The following GPR161 variants were observed in gnomAD, a reference collection of about 807,000 sequenced individuals.
GPR161 encodes G-protein coupled receptor RE2.
A neutral mutation model predicts 39.2 loss-of-function variants in GPR161; 25 were observed. The observed-to-expected ratio is 0.64, with a 90% CI of 0.47 to 0.89. The LOEUF (loss-of-function observed/expected upper bound fraction) is 0.89, where lower values mean the gene tolerates loss of function less well. Among genes scored for constraint, GPR161 ranks in the 40% least tolerant of loss-of-function variants. The pLI is 0.00. For missense variants in GPR161, 547 were observed against 677.8 expected (o/e 0.81, Z 2.14); for synonymous variants, 286 against 276.6 (o/e 1.03, Z -0.34).
intron 1 of GPR161, among the ~76,000 whole-genome samples, chr1:168,116,306 T>A (rs760382760): frequency 1.3e-5 from 2 of 152,180 alleles, no homozygotes; most frequent in Non-Finnish European, 2.9e-5. Flanking sequence ...GGTAGGTACA[T>A]AAGCTGTTCA....
intron 1 of GPR161, among the ~76,000 whole-genome samples, chr1:168,106,456 C>T (rs1206947231): frequency 1.3e-5 from 2 of 152,134 alleles, no homozygotes; most frequent in African/African-American, 2.4e-5. Context: ...CGGGAATGGT[C>T]GTACATTCCT....
intron 5 of GPR161, among the ~76,000 whole-genome samples, chr1:168,087,237 C>G (rs1694598440): frequency 6.6e-6 from 1 of 152,222 alleles, no homozygotes. Context: ...GGGCCATTAT[C>G]TCATTTTCCA....
intron 1 of GPR161, among the ~76,000 whole-genome samples, chr1:168,130,190 T>G (rs1031176849): frequency 6.6e-6 from 1 of 152,222 alleles, no homozygotes; most frequent in African/African-American, 2.4e-5. Context: ...ACTGTCGGCC[T>G]CCTCGATATC....
chr1:168,112,927 C>T (rs1248703614), intron 1 of GPR161, among the ~76,000 whole-genome samples: 1 of 152,136 alleles, frequency 6.6e-6, no homozygotes, highest in Non-Finnish European at 1.5e-5. Flanking sequence ...CCTTCTGGTC[C>T]AATATTCCCC....
At position 168,080,197 on chromosome 1, in the gene GPR161, T is replaced by C. The variant is rs760998945; in HGVS notation, c.*5334A>G. 6.6e-6 allele frequency: 1 copy of C among 152,180 alleles called. No homozygotes were observed. The highest frequency in any genetic ancestry group is 1.5e-5 in the Non-Finnish European group (1 of 68,024). The allele number at this position is 152,180 out of a possible 1,614,324, so 9.4% of individuals were successfully genotyped here. On this transcript the variant is annotated 3_prime_UTR_variant, in exon 6 of 6. Transcript: ENST00000682931. ...TTTTTTTAGGTCTGGCCAGCAGATATTAATATCTCCCAAGATCCTTGGTTT... is the reference window on the plus strand; with the variant it reads ...TTTTTTTAGGTCTGGCCAGCAGATACTAATATCTCCCAAGATCCTTGGTTT...
chr1:168,088,031 G>A (rs922314015), intron 4 of GPR161: 6 of 240,434 alleles, frequency 2.5e-5, no homozygotes, highest in South Asian at 1.7e-4. Flanking sequence ...GAGAAGGGCC[G>A]AGTAGAGGAG....
At chr1:168,114,043 T>C (rs896144193) in intron 1 of GPR161, among the ~76,000 whole-genome samples, 1 of 152,206 alleles carries the variant, frequency 6.6e-6, no homozygotes, top group African/African-American at 2.4e-5. Context: ...TTGTGTTTTA[T>C]AAACTGCTTT....
Position 168,136,491 on chromosome 1 carries a change from CAGGGG to C in GPR161, c.-45+243_-45+247del, listed in dbSNP as rs1012424295. ...TGGGCCTCTCAGAAGCCCCAGGCCGCAGGGGAGGGGCGCGCCCCCAACATCTTCCC... is the reference window on the plus strand; with the variant it reads ...TGGGCCTCTCAGAAGCCCCAGGCCGCAGGGGCGCGCCCCCAACATCTTCCC... On this transcript the variant is annotated intron_variant, in intron 1 of 5. Coordinates refer to ENST00000682931, the MANE Select transcript of GPR161 (RefSeq NM_001375883.1). 111 of 1,261,960 alleles carry C rather than the reference CAGGGG, an allele frequency of 8.8e-5. No homozygotes were observed. In the African/African-American group the frequency reaches 1.5e-3, roughly 18 times the overall value. The allele number at this position is 1,261,960 out of a possible 1,614,324, so 78.2% of individuals were successfully genotyped here. A position where few individuals can be genotyped will look rare whatever the true frequency, so the allele number is the denominator to read the frequency against.
chr1:168,089,190 C>CT (rs2102105548), intron 4 of GPR161: 1 of 145,718 alleles, frequency 6.9e-6, no homozygotes, highest in South Asian at 2.2e-4. Context: ...TGGCAAATAA[C>CT]TGCTGAATGA....
chr1:168,136,958 G>GCCCCGC (rs1553274806), upstream of GPR161: 27 of 404,612 alleles, frequency 6.7e-5, no homozygotes, highest in African/African-American at 9.3e-5. Context: ...GCCCCGCCCC[G>GCCCCGC]CCCCCCCCAC....
chr1:168,125,898 G>C (rs1264722174), intron 1 of GPR161, among the ~76,000 whole-genome samples: 2 of 152,156 alleles, frequency 1.3e-5, no homozygotes, highest in Non-Finnish European at 2.9e-5. Flanking sequence ...TTACAGGCGT[G>C]AGCCACCGCA....
chr1:168,108,717 A>G, intron 1 of GPR161, among the ~76,000 whole-genome samples: 1 of 152,208 alleles, frequency 6.6e-6, no homozygotes, highest in South Asian at 2.1e-4. Context: ...AATGTTATAA[A>G]AAGTAAACAT....
At chr1:168,088,584 A>C (rs1174753425) in intron 4 of GPR161, 1 of 152,230 alleles carries the variant, frequency 6.6e-6, no homozygotes, top group African/African-American at 2.4e-5. Context: ...AGGTTATTTA[A>C]TGCCTCAGTA....
At chr1:168,092,355 C>T (rs76905393) in intron 3 of GPR161, among the ~76,000 whole-genome samples, 1,641 of 152,298 alleles carry the variant, frequency 0.011, 28 homozygotes, top group African/African-American at 0.036. Flanking sequence ...AGGAACATGT[C>T]GGTCTGCACC....
intron 3 of GPR161, among the ~76,000 whole-genome samples, chr1:168,092,839 G>A (rs902464561): frequency 7.9e-5 from 12 of 152,208 alleles, no homozygotes; most frequent in African/African-American, 1.2e-4. Context: ...CTGGACAAAC[G>A]TGAGTCAGTG....
chr1:168,099,789 GTA>G (rs2102152089), intron 2 of GPR161, among the ~76,000 whole-genome samples: 1 of 138,646 alleles, frequency 7.2e-6, no homozygotes, highest in African/African-American at 2.6e-5. Flanking sequence ...CCCTGCCCAT[GTA>G]CAGCCACGTC....
At position 168,081,021 on chromosome 1, in the gene GPR161, C is replaced by A. The variant is rs987515101; in HGVS notation, c.*4510G>T. 1 of 150,282 alleles carries A rather than the reference C, an allele frequency of 6.7e-6. No homozygotes were observed. Among genetic ancestry groups the A allele is most frequent in the East Asian group, 1.9e-4 (1 of 5,186 alleles). The allele number at this position is 150,282 out of a possible 1,614,324, so 9.3% of individuals were successfully genotyped here. ...CTGGGATTACAGGCGCCCACCACCA[C>A]GCGCAACTAATTTTGTATTTTTAGT... On this transcript the variant is annotated 3_prime_UTR_variant, in exon 6 of 6. Coordinates refer to ENST00000682931, the MANE Select transcript of GPR161 (RefSeq NM_001375883.1).
chr1:168,105,475 G>A lies in GPR161; in HGVS notation c.-44-581C>T, dbSNP rs931536178. On this transcript the variant is annotated intron_variant, in intron 1 of 5. Transcript: ENST00000682931. The stretch of plus-strand genomic sequence containing the variant: ...CTCACGGAATCAAATCTGCATTTTA[G>A]CCCACCGCCAGTCAGTTTTGGTGCA... Among the ~76,000 whole-genome samples, 5 of 152,190 alleles carry A rather than the reference G, an allele frequency of 3.3e-5. No homozygotes were observed. In the East Asian group the frequency reaches 9.6e-4, roughly 29 times the overall value.
chr1:168,084,400 A>G lies in GPR161; in HGVS notation c.*1131T>C. The G allele has an allele frequency of 4.3e-6, 1 of 234,214 alleles. No homozygotes were observed. Among genetic ancestry groups the G allele is most frequent in the Non-Finnish European group, 8.4e-6 (1 of 118,388 alleles). The allele number at this position is 234,214 out of a possible 1,614,324, so 14.5% of individuals were successfully genotyped here. ...TGGAAATGATCTTGGAGACCATTCAATCCAACTCCACTCTGTTTTCCCACT... is the reference window on the plus strand; with the variant it reads ...TGGAAATGATCTTGGAGACCATTCAGTCCAACTCCACTCTGTTTTCCCACT... On this transcript the variant is annotated 3_prime_UTR_variant, in exon 6 of 6. Transcript: ENST00000682931.
Sources: allele counts gnomAD v4.1 joint callset (sites outside exome capture counted in the v4.1 genomes callset), GRCh38; gene constraint gnomAD v4.1.1; transcripts MANE v1.5; gene names NCBI Gene and HGNC (gene_info 2026-07-23, HGNC 2026-07-21).